Variants in PSMA1 observed in about 807,000 individuals in gnomAD.
PSMA1 encodes the protein proteasome subunit alpha type-1.
A neutral mutation model predicts 38.4 loss-of-function variants in PSMA1; 3 were observed. That is an observed-to-expected ratio of 0.08 (90% CI 0.04 to 0.20). PSMA1 has a LOEUF of 0.20. Among genes scored for constraint, PSMA1 ranks in the 10% least tolerant of loss-of-function variants. The pLI is 1.00. For missense variants in PSMA1, 227 were observed against 325.3 expected (o/e 0.70, Z 2.32); for synonymous variants, 101 against 107.1 (o/e 0.94, Z 0.35).
At chr11:14,623,277 A>C (rs912821677) in intron 1 of PSMA1, among the ~76,000 whole-genome samples, 1 of 152,178 alleles carries the variant, frequency 6.6e-6, no homozygotes, top group Non-Finnish European at 1.5e-5. Context: ...AGGAAAGCTT[A>C]AGCTTGATTT....
At chr11:14,626,796 G>A (rs949983885) in intron 1 of PSMA1, among the ~76,000 whole-genome samples, 6 of 152,182 alleles carry the variant, frequency 3.9e-5, no homozygotes, top group African/African-American at 1.4e-4. Context: ...TTTTAGGACA[G>A]CTCCTGATAT....
At chr11:14,638,543 CTCTATATATATATATATATATA>C (rs1394481010) in intron 1 of PSMA1, among the ~76,000 whole-genome samples, 14 of 13,308 alleles carry the variant, frequency 1.1e-3, no homozygotes, top group African/African-American at 2.4e-3. Flanking sequence ...CTCTCTCTCT[CTCTATATATATATATATATATA>C]TATATATATA....
At chr11:14,561,186 T>C (rs1194409306) in intron 2 of PSMA1, among the ~76,000 whole-genome samples, 1 of 152,226 alleles carries the variant, frequency 6.6e-6, no homozygotes, top group East Asian at 1.9e-4. Flanking sequence ...GTTGGGAATA[T>C]GTCACATTAT....
intron 2 of PSMA1, among the ~76,000 whole-genome samples, chr11:14,610,536 T>C (rs1479136166): frequency 6.6e-6 from 1 of 152,248 alleles, no homozygotes; most frequent in Non-Finnish European, 1.5e-5. Flanking sequence ...TGTCTACACC[T>C]ATGTCATGTA....
At chr11:14,634,281 A>T (rs1481569328) in intron 1 of PSMA1, among the ~76,000 whole-genome samples, 1 of 152,148 alleles carries the variant, frequency 6.6e-6, no homozygotes. Context: ...TCCATTTTGT[A>T]TTACAGTTAT....
At chr11:14,518,209 C>T (rs1246259349) in intron 2 of PSMA1, among the ~76,000 whole-genome samples, 1 of 151,638 alleles carries the variant, frequency 6.6e-6, no homozygotes, top group Non-Finnish European at 1.5e-5. Flanking sequence ...TCAAGCAGTC[C>T]TCTCACCTCA....
chr11:14,535,991 T>A (rs922857340), intron 2 of PSMA1, among the ~76,000 whole-genome samples: 3 of 152,030 alleles, frequency 2.0e-5, no homozygotes, highest in African/African-American at 7.2e-5. Context: ...ACCAAATATC[T>A]CTTTTGTTGG....
At chr11:14,516,158 C>T (rs1448414403) in intron 4 of PSMA1, among the ~76,000 whole-genome samples, 3 of 150,940 alleles carry the variant, frequency 2.0e-5, no homozygotes, top group Non-Finnish European at 3.0e-5. Flanking sequence ...TGCAGTGAGC[C>T]GAGATCATAC....
intron 2 of PSMA1, 51 bp from the exon 3 acceptor site, chr11:14,518,032 T>C: frequency 7.4e-7 from 1 of 1,352,312 alleles, no homozygotes. Flanking sequence ...CTTTTATAAA[T>C]TAAAAATTAG....
At chr11:14,591,538 G>C (rs577765394) in intron 2 of PSMA1, among the ~76,000 whole-genome samples, 2 of 152,190 alleles carry the variant, frequency 1.3e-5, no homozygotes, top group African/African-American at 4.8e-5. Flanking sequence ...TGAGTCTGGC[G>C]GGGCCTTGGA....
chr11:14,553,390 T>C (rs1326042843), intron 2 of PSMA1, among the ~76,000 whole-genome samples: 1 of 152,134 alleles, frequency 6.6e-6, no homozygotes, highest in Non-Finnish European at 1.5e-5. Flanking sequence ...ATGTAGTAAA[T>C]TGATGTAACA....
intron 2 of PSMA1, among the ~76,000 whole-genome samples, chr11:14,551,235 A>C (rs1379973131): frequency 6.6e-6 from 1 of 152,194 alleles, no homozygotes; most frequent in East Asian, 1.9e-4. Flanking sequence ...CCTAGATTGA[A>C]GATCTAATAT....
chr11:14,509,186 C>T (rs1851299405), intron 8 of PSMA1, among the ~76,000 whole-genome samples: 1 of 152,166 alleles, frequency 6.6e-6, no homozygotes, highest in South Asian at 2.1e-4. Context: ...ACTGCCTGAC[C>T]TTCCTCCCCA....
intron 1 of PSMA1, among the ~76,000 whole-genome samples, chr11:14,638,545 CTA>C (rs1243564648): frequency 0.016 from 256 of 15,836 alleles, no homozygotes; most frequent in Non-Finnish European, 0.019. Context: ...CTCTCTCTCT[CTA>C]TATATATATA....
At chr11:14,619,534 C>G (rs559908152) in intron 1 of PSMA1, among the ~76,000 whole-genome samples, 9 of 152,124 alleles carry the variant, frequency 5.9e-5, no homozygotes, top group Non-Finnish European at 1.2e-4. Context: ...TAGGGTGACT[C>G]AGCTTCAAAG....
intron 2 of PSMA1, among the ~76,000 whole-genome samples, chr11:14,548,720 C>A (rs976539269): frequency 1.3e-5 from 2 of 152,122 alleles, no homozygotes; most frequent in Admixed American, 1.3e-4. Context: ...TGTGGATAGA[C>A]ATATGTAACA....
intron 2 of PSMA1, among the ~76,000 whole-genome samples, chr11:14,544,752 C>G (rs1851808217): frequency 6.6e-6 from 1 of 152,198 alleles, no homozygotes; most frequent in African/African-American, 2.4e-5. Context: ...GGTGTAATCA[C>G]TTAGGAAAAC....
intron 2 of PSMA1, among the ~76,000 whole-genome samples, chr11:14,589,748 A>G (rs1487054829): frequency 1.3e-5 from 2 of 152,190 alleles, no homozygotes; most frequent in Non-Finnish European, 2.9e-5. Flanking sequence ...GCAACAGTAC[A>G]TAAAGTAGAA....
chr11:14,508,495 G>A (rs1851283606), intron 8 of PSMA1, among the ~76,000 whole-genome samples: 1 of 123,880 alleles, frequency 8.1e-6, no homozygotes, highest in African/African-American at 3.1e-5. Flanking sequence ...CAAATGTGAT[G>A]TAATTTCTTC....
Sources: allele counts gnomAD v4.1 joint callset (sites outside exome capture counted in the v4.1 genomes callset), GRCh38; gene constraint gnomAD v4.1.1; transcripts MANE v1.5; gene names NCBI Gene and HGNC (gene_info 2026-07-23, HGNC 2026-07-21).